The following RABGAP1L variants were observed in gnomAD, a reference collection of about 807,000 sequenced individuals.
The protein encoded by RABGAP1L is rab GTPase-activating protein 1-like.
In RABGAP1L, 63 loss-of-function variants were observed where a neutral mutation model predicts 137.7. The observed-to-expected ratio is 0.46, with a 90% CI of 0.37 to 0.56. The LOEUF (loss-of-function observed/expected upper bound fraction) is 0.56, where lower values mean the gene tolerates loss of function less well. RABGAP1L is among the 20% of genes least tolerant of loss of function. The probability of loss-of-function intolerance (pLI) is 0.00; values close to 1 mark genes in which losing one functional copy is unlikely to be tolerated. For missense variants in RABGAP1L, 1,095 were observed against 1,244.0 expected (o/e 0.88, Z 1.80); for synonymous variants, 431 against 433.7 (o/e 0.99, Z 0.08).
At chr1:174,877,482 G>T (rs1439015880) in intron 19 of RABGAP1L, 5 of 1,613,816 alleles carry the variant, frequency 3.1e-6, no homozygotes. Context: ...CTGTGGAAAG[G>T]CCAGCTGGCA....
intron 1 of RABGAP1L, 184 bp downstream of exon 1, chr1:174,159,841 G>C (rs1027720491): frequency 2.0e-5 from 3 of 152,302 alleles, no homozygotes; most frequent in African/African-American, 7.2e-5. Flanking sequence ...CAGGACTGTC[G>C]GCCGCCTCCC....
chr1:174,856,115 A>G (rs1479868607), intron 19 of RABGAP1L, among the ~76,000 whole-genome samples: 1 of 152,212 alleles, frequency 6.6e-6, no homozygotes, highest in Admixed American at 6.5e-5. Context: ...TGGAAAGACA[A>G]GCTGGACGCA....
intron 20 of RABGAP1L, chr1:174,958,083 G>C (rs1212271260): frequency 2.0e-6 from 3 of 1,519,342 alleles, no homozygotes; most frequent in Non-Finnish European, 2.6e-6. Flanking sequence ...ACTGTTCCAA[G>C]ACTGACACAA....
chr1:174,362,910 A>G (rs1684272017), intron 11 of RABGAP1L, among the ~76,000 whole-genome samples: 1 of 152,106 alleles, frequency 6.6e-6, no homozygotes, highest in Admixed American at 6.5e-5. Flanking sequence ...AAGGATTTTT[A>G]TAGTTTTGGG....
At chr1:174,788,328 G>T (rs189294520) in intron 18 of RABGAP1L, among the ~76,000 whole-genome samples, 3 of 152,294 alleles carry the variant, frequency 2.0e-5, no homozygotes, top group Admixed American at 1.3e-4. Context: ...ACTTGGTAAA[G>T]AATATTGTCT....
In RABGAP1L at chr1:174,721,440, A is replaced by C. The variant is rs968854948; in HGVS notation, c.2169+19184A>C. 6.0e-4 allele frequency among the ~76,000 whole-genome samples: 92 copies of C among 152,244 alleles called. 1 individual carries two copies. Among genetic ancestry groups the C allele is most frequent in the Non-Finnish European group, 5.9e-5 (4 of 68,018 alleles). ...TTTTAGTGTTTATTTTGGGGATGAA[A>C]ACCTTGGTGTGTTGATTTTTCTCAA... On this transcript the variant is annotated intron_variant, in intron 17 of 25. Coordinates refer to ENST00000681986, the MANE Select transcript of RABGAP1L (RefSeq NM_001366446.1).
intron 19 of RABGAP1L, among the ~76,000 whole-genome samples, chr1:174,942,770 G>A (rs532456715): frequency 6.6e-6 from 1 of 152,188 alleles, no homozygotes; most frequent in African/African-American, 2.4e-5. Context: ...GCTAATTTCA[G>A]TCAGTGTGCA....
chr1:174,287,261 C>A (rs1240855359), intron 10 of RABGAP1L, among the ~76,000 whole-genome samples: 1 of 152,056 alleles, frequency 6.6e-6, no homozygotes, highest in Non-Finnish European at 1.5e-5. Context: ...GATGAATTGA[C>A]CCCTCTGTCA....
chr1:174,503,874 T>C (rs1390435879), intron 13 of RABGAP1L, among the ~76,000 whole-genome samples: 1 of 151,902 alleles, frequency 6.6e-6, no homozygotes, highest in African/African-American at 2.4e-5. Context: ...CACAAACAAA[T>C]GGGAATATAT....
At chr1:174,908,589 C>T (rs1400281088) in intron 19 of RABGAP1L, among the ~76,000 whole-genome samples, 2 of 131,540 alleles carry the variant, frequency 1.5e-5, no homozygotes, top group Non-Finnish European at 3.1e-5. Context: ...GTTGCCCAGG[C>T]TGGAGTACAA....
At chr1:174,605,072 C>T (rs1484804107) in intron 13 of RABGAP1L, among the ~76,000 whole-genome samples, 1 of 152,066 alleles carries the variant, frequency 6.6e-6, no homozygotes, top group Non-Finnish European at 1.5e-5. Context: ...GCCTGGGAGG[C>T]AGAGGTTGCA....
At chr1:174,405,289 C>G (rs1414943907) in intron 13 of RABGAP1L, among the ~76,000 whole-genome samples, 3 of 152,076 alleles carry the variant, frequency 2.0e-5, no homozygotes. Context: ...TTTGCTTTTT[C>G]TTTACATGGT....
chr1:174,596,276 CG>C, intron 13 of RABGAP1L, among the ~76,000 whole-genome samples: 1 of 150,658 alleles, frequency 6.6e-6, no homozygotes, highest in South Asian at 2.1e-4. Flanking sequence ...GAGATGAACC[CG>C]GTACCTCAGA....
intron 18 of RABGAP1L, among the ~76,000 whole-genome samples, chr1:174,774,482 G>T (rs890510066): frequency 1.3e-4 from 19 of 151,746 alleles, no homozygotes. Context: ...TTGCACTCCG[G>T]TGATCACACC....
intron 17 of RABGAP1L, among the ~76,000 whole-genome samples, chr1:174,728,700 G>A (rs1682208358): frequency 6.6e-6 from 1 of 150,584 alleles, no homozygotes; most frequent in Non-Finnish European, 1.5e-5. Flanking sequence ...GGAGTGCAGT[G>A]GTACGATCTC....
chr1:174,877,714 C>A, intron 19 of RABGAP1L: 1 of 1,107,572 alleles, frequency 9.0e-7, no homozygotes, highest in Non-Finnish European at 1.3e-6. Context: ...TGTGTTATGT[C>A]TACAGGTTTT....
intron 14 of RABGAP1L, among the ~76,000 whole-genome samples, chr1:174,655,082 CTGTT>C (rs886837144): frequency 3.4e-4 from 52 of 151,336 alleles, no homozygotes; most frequent in African/African-American, 1.3e-3. Context: ...TTTTCCTAAA[CTGTT>C]TGAGAGTGAT....
At chr1:174,889,903 CCTTTT>C (rs1477119022) in intron 19 of RABGAP1L, among the ~76,000 whole-genome samples, 3 of 151,972 alleles carry the variant, frequency 2.0e-5, no homozygotes, top group Non-Finnish European at 4.4e-5. Context: ...CTAATTTTTT[CCTTTT>C]CTTTTTCTTT....
chr1:174,264,379 T>TA (rs1381565125), intron 7 of RABGAP1L, among the ~76,000 whole-genome samples: 1 of 152,160 alleles, frequency 6.6e-6, no homozygotes, highest in Non-Finnish European at 1.5e-5. Context: ...AGACATTGTT[T>TA]AAGCAGTCTT....
Sources: allele counts gnomAD v4.1 joint callset (sites outside exome capture counted in the v4.1 genomes callset), GRCh38; gene constraint gnomAD v4.1.1; transcripts MANE v1.5; gene names NCBI Gene and HGNC (gene_info 2026-07-23, HGNC 2026-07-21).